The following DDX43 variants were observed in gnomAD, a reference collection of about 807,000 sequenced individuals.
DDX43 encodes probable ATP-dependent RNA helicase DDX43.
In DDX43, 50 loss-of-function variants were observed where a neutral mutation model predicts 84.9. That is an observed-to-expected ratio of 0.59 (90% CI 0.47 to 0.75). DDX43 has a LOEUF of 0.75. Ranked by LOEUF, DDX43 falls within the 30% of genes least tolerant of loss-of-function variation. The pLI is 0.00. For synonymous variants in DDX43, 291 were observed against 266.3 expected, an observed-to-expected ratio of 1.09 and a Z score of -0.90; for missense variants, 689 against 798.6, an observed-to-expected ratio of 0.86 and a Z score of 1.65.
rs1391421516 is a variant in DDX43, at chr6:73,407,563, G to C, written c.985G>C (p.Ala329Pro). The change falls in exon 8 of 17, where the codon GCA (alanine) becomes CCA (proline). Residue 329 changes from alanine (A) to proline (P), a missense_variant. By Grantham distance (27) the Ala-to-Pro change is conservative. Around this residue, in one of 2 missense-constraint regions of DDX43, gnomAD observed 552 missense variants for 692.7 expected, o/e 0.80. Transcript: ENST00000370336. ...MLVLTPTRELALQVEGECCKY... is the reference protein window; with the variant it reads ...MLVLTPTRELPLQVEGECCKY... ...AGTTCTAACTCCCACTCGGGAATTA[G>C]CACTTCAAGTAGAAGGAGAATGTTG... The C allele has an allele frequency of 1.2e-6, 2 of 1,613,964 alleles. No homozygotes were observed. Among genetic ancestry groups the C allele is most frequent in the Non-Finnish European group, 1.7e-6 (2 of 1,179,960 alleles).
In DDX43 at chr6:73,406,400, C is replaced by G. The variant is rs754843575; in HGVS notation, c.844C>G (p.Leu282Val). The change falls in exon 7 of 17, where the codon CTT becomes GTT. Residue 282 changes from leucine (L) to valine (V), a missense_variant. By Grantham distance (32) the Leu-to-Val change is conservative. Coordinates refer to ENST00000370336, the MANE Select transcript of DDX43 (RefSeq NM_018665.3). ...AWPIVLQGID[L>V]IGVAQTGTGK... ...GCCCATTGTGTTGCAAGGAATAGAT[C>G]TTATAGGAGTAGCCCAGACTGGAAC... 1.2e-6 allele frequency: 2 copies of G among 1,613,194 alleles called. No individual in the cohort carries two copies. The highest frequency in any genetic ancestry group is 3.3e-5 in the Admixed American group (2 of 59,984).
chr6:73,412,654 T>C (rs1477275979), intron 11 of DDX43, among the ~76,000 whole-genome samples: 2 of 87,408 alleles, frequency 2.3e-5, no homozygotes, highest in African/African-American at 8.2e-5. Flanking sequence ...TGTGTGTGTG[T>C]GTGTGTGTGT....
At position 73,407,505 on chromosome 6, in the gene DDX43, C is replaced by T. The variant is rs1202486385; in HGVS notation, c.927C>T (p.Ser309=). 1 of 1,597,812 alleles carries T rather than the reference C, an allele frequency of 6.3e-7. No individual in the cohort carries two copies. The highest frequency in any genetic ancestry group is 1.3e-5 in the African/African-American group (1 of 74,468). The change falls in exon 8 of 17, where the codon AGC becomes AGT. Residue 309 remains serine (S), a splice_region_variant and synonymous_variant. Coordinates refer to ENST00000370336, the MANE Select transcript of DDX43 (RefSeq NM_018665.3). ...ATATTAATCTGTTTTCTCTCCAAAG[C>T]CTTAAAGGTCAAAGGAATAGACCCG... ...PGFIHLVLQP[S]LKGQRNRPGM...
intron 1 of DDX43, 86 bp downstream of exon 1, chr6:73,395,241 C>T: frequency 2.1e-6 from 3 of 1,441,568 alleles, no homozygotes; most frequent in African/African-American, 1.4e-5. Flanking sequence ...ACTGCCTCAC[C>T]TCCAATCAGC....
intron 5 of DDX43, among the ~76,000 whole-genome samples, chr6:73,404,984 T>C (rs1343936240): frequency 6.6e-6 from 1 of 152,226 alleles, no homozygotes; most frequent in Non-Finnish European, 1.5e-5. Flanking sequence ...ATGGAGTAAC[T>C]GGCACTTAAA....
At chr6:73,409,402 T>A in intron 10 of DDX43, 54 bp downstream of exon 10, 1 of 1,377,288 alleles carries the variant, frequency 7.3e-7, no homozygotes. Flanking sequence ...GAATAGAATC[T>A]CATTCTGTTT....
chr6:73,399,386 C>A (rs1443925772), intron 2 of DDX43, among the ~76,000 whole-genome samples: 1 of 152,266 alleles, frequency 6.6e-6, no homozygotes, highest in East Asian at 1.9e-4. Context: ...AGTGTCCTCT[C>A]CCCTAATTCC....
Position 73,409,349 on chromosome 6 carries a change from G to T in DDX43, c.1280+1G>T. ...CAGATAGGCAGACAGTTATGACCAG[G>T]TACGTATATGCTTAATTACTGTGTG... On this transcript the variant is annotated splice_donor_variant, in intron 10 of 16. Transcript: ENST00000370336. LOFTEE classifies it high-confidence loss of function. The T allele has an allele frequency of 1.9e-6, 3 of 1,602,640 alleles. No homozygotes were observed. The highest frequency in any genetic ancestry group is 2.6e-6 in the Non-Finnish European group (3 of 1,169,548).
At chr6:73,409,201 C>CTA (rs1227932111) in intron 9 of DDX43, 47 bp from the exon 10 acceptor site, 1 of 1,397,264 alleles carries the variant, frequency 7.2e-7, no homozygotes, top group Admixed American at 1.7e-5. Context: ...TGTATTATTA[C>CTA]CTGCCTCCCA....
chr6:73,417,020 C>T (rs540485022), intron 16 of DDX43, among the ~76,000 whole-genome samples, 167 bp from the exon 17 acceptor site: 1 of 152,280 alleles, frequency 6.6e-6, no homozygotes, highest in East Asian at 1.9e-4. Context: ...GCCTGGACAA[C>T]AGGACGCTGT....
intron 9 of DDX43, among the ~76,000 whole-genome samples, chr6:73,408,432 CA>C (rs1358326885): frequency 6.6e-6 from 1 of 151,860 alleles, no homozygotes; most frequent in Non-Finnish European, 1.5e-5. Context: ...AACTCCATCT[CA>C]AAAAATAAAA....
At chr6:73,409,204 G>A (rs12213727) in intron 9 of DDX43, 44 bp from the exon 10 acceptor site, 36,006 of 1,418,706 alleles carry the variant, frequency 0.025, 574 homozygotes, top group East Asian at 0.047. Flanking sequence ...ATTATTACCT[G>A]CCTCCCATAT....
chr6:73,416,389 T>C (rs1454550875), intron 16 of DDX43, 138 bp downstream of exon 16: 1 of 523,524 alleles, frequency 1.9e-6, no homozygotes. Flanking sequence ...TATTACTTAA[T>C]CCTTCTGGGT....
At chr6:73,407,639 C>A in intron 8 of DDX43, 24 bp downstream of exon 8, 1 of 1,401,504 alleles carries the variant, frequency 7.1e-7, no homozygotes, top group Non-Finnish European at 1.0e-6. Flanking sequence ...TTTCCCATTC[C>A]TTCACCAGTA....
Position 73,415,924 on chromosome 6 carries a change from G to A in DDX43, c.1834-189G>A, listed in dbSNP as rs549283737. Reference sequence around the variant, plus strand: ...GCTACCATATAAAGGCACATTAAAGGCACTTGGAAGCAGCTGAAGCAGCAA... The same window carrying A: ...GCTACCATATAAAGGCACATTAAAGACACTTGGAAGCAGCTGAAGCAGCAA... On this transcript the variant is annotated intron_variant, in intron 15 of 16. Coordinates refer to ENST00000370336, the MANE Select transcript of DDX43 (RefSeq NM_018665.3). 5.3e-5 allele frequency among the ~76,000 whole-genome samples: 8 copies of A among 152,280 alleles called. No individual in the cohort carries two copies. The South Asian group carries it at 8.3e-4, about 16-fold the overall frequency.
At chr6:73,397,241 T>C (rs933663413) in intron 1 of DDX43, among the ~76,000 whole-genome samples, 2 of 152,240 alleles carry the variant, frequency 1.3e-5, no homozygotes, top group African/African-American at 2.4e-5. Flanking sequence ...ATAATGGTCA[T>C]CCTACCAGAT....
chr6:73,407,161 AG>A (rs1769702155), intron 7 of DDX43, among the ~76,000 whole-genome samples: 1 of 152,130 alleles, frequency 6.6e-6, no homozygotes, highest in Non-Finnish European at 1.5e-5. Context: ...CTTATTGCCC[AG>A]GCTGGAGTGC....
intron 3 of DDX43, 67 bp downstream of exon 3, chr6:73,400,430 A>G (rs1468427207): frequency 3.6e-6 from 5 of 1,385,522 alleles, no homozygotes; most frequent in Non-Finnish European, 4.8e-6. Context: ...ATAAGCCATT[A>G]TACCTGATTT....
intron 10 of DDX43, among the ~76,000 whole-genome samples, chr6:73,411,899 T>C (rs1455690560): frequency 2.6e-5 from 4 of 152,092 alleles, no homozygotes; most frequent in African/African-American, 7.2e-5. Flanking sequence ...GGTTTTATCA[T>C]GTTGGCCAGG....
Sources: gnomAD v4.1 joint callset for allele counts (sites outside exome capture counted in the v4.1 genomes callset) on GRCh38, gnomAD v4.1.1 for gene constraint, gnomAD v4.1.1 regional missense constraint, MANE v1.5 for transcripts, NCBI Gene and HGNC (gene_info 2026-07-23, HGNC 2026-07-21) for gene names.